Variants in CCDC178 observed in about 807,000 individuals in gnomAD.
CCDC178 encodes the protein coiled-coil domain containing 178.
Under a neutral mutation model 117.4 loss-of-function variants are expected in CCDC178, and 126 were observed. That is an observed-to-expected ratio of 1.07 (90% CI 0.93 to 1.24). The LOEUF is 1.24. Ranked by LOEUF, CCDC178 falls within the 50% of genes most tolerant of loss-of-function variation. The pLI, the probability that CCDC178 is intolerant of heterozygous loss-of-function variation, is 0.00. For missense variants in CCDC178, 1,030 were observed against 986.9 expected, an observed-to-expected ratio of 1.04 and a Z score of -0.59; for synonymous variants, 283 against 313.4, an observed-to-expected ratio of 0.90 and a Z score of 1.02.
chr18:32,977,615 G>A (rs1255489987), intron 21 of CCDC178, among the ~76,000 whole-genome samples: 1 of 152,120 alleles, frequency 6.6e-6, no homozygotes, highest in Non-Finnish European at 1.5e-5. Context: ...ACAGCAATAA[G>A]CCAGAAATAA....
At chr18:33,207,912 C>T (rs962986286) in intron 20 of CCDC178, among the ~76,000 whole-genome samples, 28 of 151,844 alleles carry the variant, frequency 1.8e-4, no homozygotes, top group African/African-American at 6.8e-4. Flanking sequence ...CACCCATATC[C>T]ACGCCCCATC....
intron 21 of CCDC178, among the ~76,000 whole-genome samples, chr18:33,081,670 AT>A (rs886591048): frequency 1.3e-5 from 2 of 152,084 alleles, no homozygotes; most frequent in Admixed American, 6.6e-5. Context: ...TCTTTAAAAT[AT>A]TTTTTTCTTG....
intron 12 of CCDC178, among the ~76,000 whole-genome samples, chr18:33,268,088 C>A (rs2059840703): frequency 6.6e-6 from 1 of 151,692 alleles, no homozygotes; most frequent in South Asian, 2.1e-4. Flanking sequence ...AATGTGTGTT[C>A]TCCCAACATT....
chr18:33,284,241 T>G (rs1406544845), intron 12 of CCDC178, among the ~76,000 whole-genome samples: 1 of 151,874 alleles, frequency 6.6e-6, no homozygotes, highest in Admixed American at 6.6e-5. Flanking sequence ...ACAACACACA[T>G]TGGGACCTAT....
intron 11 of CCDC178, among the ~76,000 whole-genome samples, chr18:33,321,547 A>G (rs927761902): frequency 5.9e-5 from 9 of 152,162 alleles, no homozygotes; most frequent in Non-Finnish European, 8.8e-5. Context: ...GAAGAAATGT[A>G]ATAACTAGAG....
intron 12 of CCDC178, among the ~76,000 whole-genome samples, chr18:33,287,336 G>A (rs1275126275): frequency 1.3e-5 from 2 of 152,082 alleles, no homozygotes; most frequent in African/African-American, 2.4e-5. Context: ...TAGCTTAAAG[G>A]TTTTATAATG....
chr18:32,978,264 C>A (rs1423062090), intron 21 of CCDC178, among the ~76,000 whole-genome samples: 1 of 81,766 alleles, frequency 1.2e-5, no homozygotes, highest in African/African-American at 4.7e-5. Flanking sequence ...TATGGAAAAA[C>A]AAGAACCAGG....
chr18:33,156,064 C>G (rs2058390358), intron 20 of CCDC178, among the ~76,000 whole-genome samples: 1 of 145,222 alleles, frequency 6.9e-6, no homozygotes, highest in African/African-American at 2.5e-5. Flanking sequence ...TGACAGATGT[C>G]TGGCCAGCTA....
intron 5 of CCDC178, among the ~76,000 whole-genome samples, chr18:33,377,702 G>C (rs2144781548): frequency 6.6e-6 from 1 of 152,110 alleles, no homozygotes; most frequent in Non-Finnish European, 1.5e-5. Flanking sequence ...TACTGAATAG[G>C]GAATGCTTTC....
At chr18:33,403,879 C>T (rs963824212) in intron 3 of CCDC178, among the ~76,000 whole-genome samples, 5 of 152,098 alleles carry the variant, frequency 3.3e-5, no homozygotes, top group Non-Finnish European at 5.9e-5. Context: ...TCTCCAGCTC[C>T]ACCTTGTTCT....
Position 33,028,502 on chromosome 18 carries a change from T to C in CCDC178, c.2389-53821A>G, listed in dbSNP as rs986632236. On this transcript the variant is annotated intron_variant, in intron 21 of 22. Coordinates refer to ENST00000383096, the MANE Select transcript of CCDC178 (RefSeq NM_001105528.4). ...TCCAGTTTCTCCACATCCTTGCCAA[T>C]ACTTGCTATTATATGTTTTTTAAAA... 2.6e-5 allele frequency among the ~76,000 whole-genome samples: 4 copies of C among 151,818 alleles called. No homozygotes were observed. In the South Asian group the frequency reaches 8.3e-4, roughly 31 times the overall value.
intron 20 of CCDC178, among the ~76,000 whole-genome samples, chr18:33,099,080 G>C (rs1176058059): frequency 6.6e-6 from 1 of 151,962 alleles, no homozygotes; most frequent in African/African-American, 2.4e-5. Flanking sequence ...ATATTTTCTT[G>C]GCCCCTTAGG....
At chr18:33,005,277 T>C (rs2055724692) in intron 21 of CCDC178, among the ~76,000 whole-genome samples, 1 of 152,078 alleles carries the variant, frequency 6.6e-6, no homozygotes, top group Admixed American at 6.6e-5. Flanking sequence ...GGAGTACTAT[T>C]TAGCCACAAA....
At chr18:33,046,766 A>G (rs1479905887) in intron 21 of CCDC178, among the ~76,000 whole-genome samples, 1 of 152,166 alleles carries the variant, frequency 6.6e-6, no homozygotes, top group Non-Finnish European at 1.5e-5. Flanking sequence ...GGAGCGAGTC[A>G]GATGAATAGG....
At chr18:33,192,872 G>A (rs1327747439) in intron 20 of CCDC178, among the ~76,000 whole-genome samples, 2 of 148,244 alleles carry the variant, frequency 1.3e-5, no homozygotes, top group African/African-American at 5.0e-5. Flanking sequence ...CTGTACTCCA[G>A]CCTGGGTGAC....
chr18:33,033,365 T>G lies in CCDC178; in HGVS notation c.2389-58684A>C, dbSNP rs141389537. ...TGTCGCCTCCAAGGAAAAAAGCCCTTGAATAAAATGTTCTCAATCTTTCTG... is the reference window on the plus strand; with the variant it reads ...TGTCGCCTCCAAGGAAAAAAGCCCTGGAATAAAATGTTCTCAATCTTTCTG... On this transcript the variant is annotated intron_variant, in intron 21 of 22. Transcript: ENST00000383096. Among the ~76,000 whole-genome samples, 279 of 152,180 alleles carry G rather than the reference T, an allele frequency of 1.8e-3. 2 individuals are homozygous for G. The highest frequency in any genetic ancestry group is 6.5e-3 in the African/African-American group (268 of 41,542).
At chr18:33,313,412 G>C (rs80277300) in intron 11 of CCDC178, among the ~76,000 whole-genome samples, 11,099 of 152,168 alleles carry the variant, frequency 0.073, 489 homozygotes, top group Non-Finnish European at 0.093. Flanking sequence ...CTTCCTTCCA[G>C]GGTCCTACTC....
intron 7 of CCDC178, among the ~76,000 whole-genome samples, chr18:33,350,967 T>G (rs796751603): frequency 6.6e-5 from 10 of 152,240 alleles, no homozygotes; most frequent in African/African-American, 2.2e-4. Flanking sequence ...AGATAAAAAC[T>G]TTCAGTCTTC....
chr18:33,368,582 T>C (rs1262714008), intron 6 of CCDC178, among the ~76,000 whole-genome samples: 2 of 151,978 alleles, frequency 1.3e-5, no homozygotes. Flanking sequence ...ATCCATAGTA[T>C]CTAACAGTTT....
Sources: allele counts gnomAD v4.1 joint callset (sites outside exome capture counted in the v4.1 genomes callset), GRCh38; gene constraint gnomAD v4.1.1; transcripts MANE v1.5; gene names NCBI Gene and HGNC (gene_info 2026-07-23, HGNC 2026-07-21).